The following MCCC2 variants were observed in gnomAD, a reference collection of about 807,000 sequenced individuals.
The protein encoded by MCCC2 is methylcrotonoyl-CoA carboxylase beta chain, mitochondrial.
In MCCC2, 52 loss-of-function variants were observed where a neutral mutation model predicts 77.2. The ratio of observed to expected loss-of-function variants is 0.67; its 90% confidence interval spans 0.54 to 0.85. The LOEUF (loss-of-function observed/expected upper bound fraction) is 0.85, where lower values mean the gene tolerates loss of function less well. Among genes scored for constraint, MCCC2 ranks in the 40% least tolerant of loss-of-function variants. The pLI is 0.00. For synonymous variants in MCCC2, 253 were observed against 248.4 expected, an observed-to-expected ratio of 1.02 and a Z score of -0.18; for missense variants, 682 against 703.2, an observed-to-expected ratio of 0.97 and a Z score of 0.34.
chr5:71,628,958 C>A (rs868336407), intron 7 of MCCC2, among the ~76,000 whole-genome samples: 1 of 152,112 alleles, frequency 6.6e-6, no homozygotes, highest in Non-Finnish European at 1.5e-5. Context: ...GTAATCCCAG[C>A]GCTTTGGGAG....
intron 11 of MCCC2, among the ~76,000 whole-genome samples, chr5:71,642,789 A>C (rs1210522605): frequency 6.6e-6 from 1 of 152,174 alleles, no homozygotes. Flanking sequence ...TTAGGACTGA[A>C]ATACATGTAG....
Position 71,646,223 on chromosome 5 carries a change from G to A in MCCC2, c.1162G>A (p.Val388Ile). 1 of 1,613,728 alleles carries A rather than the reference G, an allele frequency of 6.2e-7. No individual in the cohort carries two copies. The highest frequency in any genetic ancestry group is 1.6e-4 in the Middle Eastern group (1 of 6,062). ...TATTTGCTTATAGGGTACTCACTTT[G>A]TCCAGTTATGCTGCCAAAGAAATAT... ...SESAKKGTHF[V>I]QLCCQRNIPL... is the part of the protein sequence containing the mutation. Residue 388 changes from valine (V) to isoleucine (I), a missense_variant, in exon 13 of 17, where the codon GTC (valine) becomes ATC (isoleucine). Coordinates refer to ENST00000340941, the MANE Select transcript of MCCC2 (RefSeq NM_022132.5).
At chr5:71,655,025 G>C (rs1335214983) in intron 16 of MCCC2, among the ~76,000 whole-genome samples, 2 of 152,048 alleles carry the variant, frequency 1.3e-5, no homozygotes, top group African/African-American at 4.8e-5. Flanking sequence ...ATAGAGATGG[G>C]GTTTCTCCAT....
chr5:71,617,231 C>A (rs1746190882), intron 6 of MCCC2, among the ~76,000 whole-genome samples: 1 of 152,184 alleles, frequency 6.6e-6, no homozygotes, highest in African/African-American at 2.4e-5. Flanking sequence ...TTCCCCTCAT[C>A]CTCCTGGGTC....
intron 6 of MCCC2, among the ~76,000 whole-genome samples, chr5:71,614,059 T>C (rs1017966742): frequency 1.1e-5 from 1 of 87,428 alleles, no homozygotes; most frequent in Non-Finnish European, 2.7e-5. Context: ...CATATATCAG[T>C]ATTTCTTTGA....
chr5:71,613,245 G>A (rs546452056), intron 6 of MCCC2, among the ~76,000 whole-genome samples: 107 of 152,260 alleles, frequency 7.0e-4, no homozygotes, highest in African/African-American at 2.6e-3. Flanking sequence ...TCTTTTGTTG[G>A]GGGAGGCTAC....
At chr5:71,653,922 A>G (rs1747509827) in intron 16 of MCCC2, among the ~76,000 whole-genome samples, 1 of 151,910 alleles carries the variant, frequency 6.6e-6, no homozygotes, top group African/African-American at 2.4e-5. Flanking sequence ...GGATACAAAG[A>G]CAAAACATAC....
At chr5:71,652,555 T>G in intron 15 of MCCC2, 114 bp from the exon 16 acceptor site, 1 of 805,592 alleles carries the variant, frequency 1.2e-6, no homozygotes, top group Non-Finnish European at 2.1e-6. Context: ...ACTATGCACA[T>G]GTTAGATGTA....
intron 11 of MCCC2, 94 bp downstream of exon 11, chr5:71,641,169 C>T: frequency 8.7e-7 from 1 of 1,153,596 alleles, no homozygotes; most frequent in Non-Finnish European, 1.3e-6. Context: ...TTGACATGGG[C>T]TTTGTTGTTG....
chr5:71,610,216 C>G (rs1247149007), intron 6 of MCCC2, among the ~76,000 whole-genome samples: 5 of 152,186 alleles, frequency 3.3e-5, no homozygotes, highest in South Asian at 2.1e-4. Context: ...TAGCAATCAG[C>G]GAGACTCCGT....
intron 6 of MCCC2, among the ~76,000 whole-genome samples, chr5:71,621,278 G>A (rs1277292502): frequency 6.6e-6 from 1 of 152,120 alleles, no homozygotes; most frequent in Non-Finnish European, 1.5e-5. Flanking sequence ...ATGCTGAGAG[G>A]TAGGAGGATT....
At chr5:71,589,484 C>T (rs971016929) in intron 1 of MCCC2, among the ~76,000 whole-genome samples, 1 of 152,240 alleles carries the variant, frequency 6.6e-6, no homozygotes, top group Non-Finnish European at 1.5e-5. Context: ...AAGAGCAGCC[C>T]TGAATTAAAC....
At chr5:71,611,244 AT>A (rs1291800285) in intron 6 of MCCC2, among the ~76,000 whole-genome samples, 3 of 152,134 alleles carry the variant, frequency 2.0e-5, no homozygotes, top group African/African-American at 7.2e-5. Context: ...CTACAAAAAA[AT>A]AAAAAATTAG....
intron 10 of MCCC2, 143 bp downstream of exon 10, chr5:71,635,389 A>G: frequency 2.6e-6 from 2 of 764,930 alleles, no homozygotes; most frequent in South Asian, 1.5e-5. Flanking sequence ...ATATGTGGCA[A>G]TGATACCTTT....
intron 6 of MCCC2, among the ~76,000 whole-genome samples, chr5:71,624,470 C>T (rs1411418357): frequency 1.3e-5 from 2 of 151,354 alleles, no homozygotes; most frequent in African/African-American, 4.9e-5. Context: ...CTGTGCCTCC[C>T]GGGTTCAAGC....
At chr5:71,643,941 C>T (rs749295429) in intron 12 of MCCC2, 46 bp downstream of exon 12, 1 of 1,609,814 alleles carries the variant, frequency 6.2e-7, no homozygotes, top group Non-Finnish European at 8.5e-7. Flanking sequence ...TTTAATTTAA[C>T]ATAACGTTGA....
chr5:71,642,863 A>G (rs1439281430), intron 11 of MCCC2, among the ~76,000 whole-genome samples: 3 of 152,172 alleles, frequency 2.0e-5, no homozygotes, highest in African/African-American at 7.2e-5. Flanking sequence ...AGCCAGGTGT[A>G]GTGACTACTG....
At chr5:71,623,756 C>G (rs1027051816) in intron 6 of MCCC2, among the ~76,000 whole-genome samples, 13 of 152,198 alleles carry the variant, frequency 8.5e-5, no homozygotes, top group South Asian at 8.3e-4. Flanking sequence ...CTGTCCTTTT[C>G]TGAGCTTGTG....
intron 3 of MCCC2, among the ~76,000 whole-genome samples, chr5:71,597,949 T>TA (rs1472088310): frequency 2.8e-4 from 43 of 152,236 alleles, no homozygotes; most frequent in Admixed American, 2.7e-3. Context: ...GCCCCTTACT[T>TA]ACTGTGTAAC....
Sources: gnomAD v4.1 joint callset for allele counts (sites outside exome capture counted in the v4.1 genomes callset) on GRCh38, gnomAD v4.1.1 for gene constraint, MANE v1.5 for transcripts, NCBI Gene and HGNC (gene_info 2026-07-23, HGNC 2026-07-21) for gene names.